Variants in CHIC2 observed in about 807,000 individuals in gnomAD.
The protein encoded by CHIC2 is cysteine rich hydrophobic domain 2, also known as cysteine-rich hydrophobic domain-containing protein 2.
CHIC2 carries 14 observed loss-of-function variants against 25.9 expected under a neutral mutation model. The ratio of observed to expected loss-of-function variants is 0.54; its 90% CI spans 0.36 to 0.85. The LOEUF (loss-of-function observed/expected upper bound fraction) is 0.85. CHIC2 is among the 40% of genes least tolerant of loss of function. The pLI is 0.01. For synonymous variants in CHIC2, 70 were observed against 72.0 expected (o/e 0.97, Z 0.14); for missense variants, 146 against 202.0 (o/e 0.72, Z 1.68).
exon 1 of CHIC2, chr4:54,064,596 TCAGGAAACCA>T: frequency 8.1e-7 from 1 of 1,227,270 alleles, no homozygotes; most frequent in Non-Finnish European, 1.0e-6. This position sits in a 1 kb window ranked among gnomAD's most constrained non-coding sequence, Gnocchi z 4.2. Context: ...CAGCAGCAAC[TCAGGAAACCA>T]CAGCAACAGC....
At chr4:54,064,730 C>T (rs913143119), upstream of CHIC2, 5 of 880,384 alleles carry the variant, frequency 5.7e-6, no homozygotes, top group East Asian at 1.9e-4. This position sits in a 1 kb window ranked among gnomAD's most constrained non-coding sequence, Gnocchi z 4.2. Context: ...GGCGGGCGGG[C>T]GGGCGCGCGC....
At chr4:54,036,391 G>A (rs77388108) in intron 3 of CHIC2, among the ~76,000 whole-genome samples, 3,750 of 152,240 alleles carry the variant, frequency 0.025, 145 homozygotes, top group African/African-American at 0.083. Context: ...CATCTGCTCA[G>A]CTTCTGGGGA....
In CHIC2 at chr4:54,037,932, A is replaced by G. The variant is rs73252925; in HGVS notation, c.330+11023T>C. On this transcript the variant is annotated intron_variant, in intron 3 of 5. Transcript: ENST00000263921. ...AAAGAGCATTAAATGCTTATACAAG[A>G]AAAAAAGAAAAGACAAATCAATGAC... 1.2e-3 allele frequency among the ~76,000 whole-genome samples: 183 copies of G among 152,088 alleles called. 1 individual carries two copies. Among genetic ancestry groups the G allele is most frequent in the Non-Finnish European group, 2.1e-3 (146 of 67,958 alleles).
At chr4:54,049,193 T>C in intron 2 of CHIC2, 58 bp downstream of exon 2, 2 of 1,560,282 alleles carry the variant, frequency 1.3e-6, no homozygotes, top group Non-Finnish European at 1.7e-6. Context: ...TTTCTAATTT[T>C]CTCAGAAAAA....
At chr4:54,047,128 T>C (rs900114985) in intron 3 of CHIC2, among the ~76,000 whole-genome samples, 39 of 152,212 alleles carry the variant, frequency 2.6e-4, no homozygotes, top group African/African-American at 7.9e-4. Context: ...AGAATGGCGA[T>C]CATTAAAAAG....
chr4:54,083,510 T>C, the CHIC2 span, among the ~76,000 whole-genome samples: 81 of 152,342 alleles, frequency 5.3e-4, no homozygotes, highest in African/African-American at 1.9e-3. Flanking sequence ...CTGTAACCAC[T>C]ATATTTGTTA....
At chr4:54,041,947 G>A (rs1486789795) in intron 3 of CHIC2, among the ~76,000 whole-genome samples, 4 of 150,762 alleles carry the variant, frequency 2.7e-5, no homozygotes, top group African/African-American at 4.9e-5. Context: ...ACCATGGCAC[G>A]TGTATACCTA....
chr4:54,064,529 A>G lies in CHIC2; in HGVS notation c.-229T>C, dbSNP rs900653453. On this transcript the variant is annotated 5_prime_UTR_variant, in exon 1 of 6. Transcript: ENST00000263921. The surrounding 1 kb of genome is among the most constrained non-coding windows in gnomAD (Gnocchi z 4.2). ...CAGCAATAACAACAACACAATGTCAACATCCGCCCAGAGGCCGACACCTCC... is the reference window on the plus strand; with the variant it reads ...CAGCAATAACAACAACACAATGTCAGCATCCGCCCAGAGGCCGACACCTCC... The G allele has an allele frequency of 8.0e-6, 11 of 1,379,218 alleles. No individual in the cohort carries two copies. 85.4% of individuals were successfully genotyped at this position (1,379,218 alleles called of 1,614,324 possible). A position where few individuals can be genotyped will look rare whatever the true frequency, so the allele number is the denominator to read the frequency against.
intron 3 of CHIC2, among the ~76,000 whole-genome samples, chr4:54,014,926 C>G (rs1431907859): frequency 6.6e-6 from 1 of 152,014 alleles, no homozygotes; most frequent in Non-Finnish European, 1.5e-5. Flanking sequence ...CTTGGTTCAG[C>G]TGCACTTTTC....
intron 3 of CHIC2, among the ~76,000 whole-genome samples, chr4:54,040,665 T>G (rs116830103): frequency 0.015 from 1,989 of 134,674 alleles, 24 homozygotes; most frequent in Non-Finnish European, 0.021. Flanking sequence ...ACCACACCAC[T>G]GCACTCCAGC....
intron 3 of CHIC2, among the ~76,000 whole-genome samples, chr4:54,031,766 C>T (rs1032580456): frequency 4.6e-5 from 7 of 151,818 alleles, no homozygotes; most frequent in Non-Finnish European, 1.0e-4. Flanking sequence ...ATTACAGGCA[C>T]GTGTCACCAC....
intron 1 of CHIC2, among the ~76,000 whole-genome samples, chr4:54,055,446 A>C (rs1342759567): frequency 6.6e-6 from 1 of 152,196 alleles, no homozygotes; most frequent in African/African-American, 2.4e-5. Context: ...TGATCTAAAC[A>C]AACAGGGTCC....
chr4:54,058,253 T>C (rs1717232149), intron 1 of CHIC2, among the ~76,000 whole-genome samples: 1 of 152,174 alleles, frequency 6.6e-6, no homozygotes, highest in Non-Finnish European at 1.5e-5. Flanking sequence ...TGAATGCCTA[T>C]TAATTAGATA....
At chr4:54,016,116 G>A (rs1715730496) in intron 3 of CHIC2, among the ~76,000 whole-genome samples, 2 of 152,070 alleles carry the variant, frequency 1.3e-5, no homozygotes, top group Non-Finnish European at 2.9e-5. Context: ...GATGATTTTG[G>A]GGGTGGGTGG....
chr4:54,079,845 G>C, the CHIC2 span, among the ~76,000 whole-genome samples: 2 of 151,914 alleles, frequency 1.3e-5, no homozygotes, highest in Admixed American at 1.3e-4. Flanking sequence ...AAAGATAAAA[G>C]ATGAGTGTCT....
At chr4:54,064,686 C>T (rs1717462430), upstream of CHIC2, 6 of 1,019,350 alleles carry the variant, frequency 5.9e-6, no homozygotes, top group Non-Finnish European at 4.7e-6. The surrounding 1 kb of genome is among the most constrained non-coding windows in gnomAD (Gnocchi z 4.2). Context: ...GGCGGGCGGG[C>T]GCGTGCGTGG....
rs1220198373 is a variant in CHIC2, at chr4:54,064,046, A to C, written c.119+136T>G. 2.9e-6 allele frequency: 2 copies of C among 697,528 alleles called. No homozygotes were observed. The highest frequency in any genetic ancestry group is 4.8e-6 in the Non-Finnish European group (2 of 412,682). The allele number at this position is 697,528 out of a possible 1,614,324, so 43.2% of individuals were successfully genotyped here. On this transcript the variant is annotated intron_variant, in intron 1 of 5. Coordinates refer to ENST00000263921, the MANE Select transcript of CHIC2 (RefSeq NM_012110.4). The surrounding 1 kb of genome is among the most constrained non-coding windows in gnomAD (Gnocchi z 4.2). ...GACCCAAACAAATGAAAATAAGCCA[A>C]GTTCTCACTTCCTGGTTGCCTACTC...
At chr4:54,043,039 A>T (rs769820708) in intron 3 of CHIC2, among the ~76,000 whole-genome samples, 60 of 152,160 alleles carry the variant, frequency 3.9e-4, no homozygotes, top group Non-Finnish European at 7.2e-4. Flanking sequence ...GGCTGGGTGC[A>T]GTGGCTCACA....
At chr4:54,074,617 C>CAT in the CHIC2 span, among the ~76,000 whole-genome samples, 1 of 151,918 alleles carries the variant, frequency 6.6e-6, no homozygotes, top group Non-Finnish European at 1.5e-5. Flanking sequence ...CACACACACA[C>CAT]ACACACACAC....
Sources: allele counts gnomAD v4.1 joint callset (sites outside exome capture counted in the v4.1 genomes callset), GRCh38; gene constraint gnomAD v4.1.1; non-coding constraint Gnocchi (gnomAD v3.1); transcripts MANE v1.5; gene names NCBI Gene and HGNC (gene_info 2026-07-23, HGNC 2026-07-21).